EVA1C: variants seen among roughly 807,000 people sequenced by gnomAD.
The protein encoded by EVA1C is eva-1 homolog C.
In EVA1C, 25 loss-of-function variants were observed where a neutral mutation model predicts 45.4. The ratio of observed to expected loss-of-function variants is 0.55; its 90% CI spans 0.40 to 0.77. EVA1C has a LOEUF of 0.77. EVA1C is among the 30% of genes least tolerant of loss of function. The pLI, the probability that EVA1C is intolerant of heterozygous loss-of-function variation, is 0.00. For synonymous variants in EVA1C, 190 were observed against 221.2 expected, an observed-to-expected ratio of 0.86 and a Z score of 1.25; for missense variants, 479 against 554.8, an observed-to-expected ratio of 0.86 and a Z score of 1.37.
chr21:32,488,863 G>A (rs1442832184), intron 4 of EVA1C, among the ~76,000 whole-genome samples: 5 of 162 alleles, frequency 0.031, no homozygotes, highest in Non-Finnish European at 0.05. Context: ...TGGGATTATA[G>A]GCGTGAGCAC....
intron 1 of EVA1C, among the ~76,000 whole-genome samples, chr21:32,415,993 A>C (rs2034022014): frequency 6.6e-6 from 1 of 152,230 alleles, no homozygotes; most frequent in African/African-American, 2.4e-5. Flanking sequence ...AAAACAAAAC[A>C]AACCCCAGAA....
intron 3 of EVA1C, among the ~76,000 whole-genome samples, chr21:32,463,916 A>G (rs2036088231): frequency 6.6e-6 from 1 of 151,788 alleles, no homozygotes; most frequent in Non-Finnish European, 1.5e-5. Context: ...CATTTTTCTG[A>G]GTTCTTATGG....
intron 3 of EVA1C, among the ~76,000 whole-genome samples, chr21:32,462,944 A>T (rs1009803046): frequency 7.2e-5 from 11 of 152,116 alleles, no homozygotes; most frequent in Non-Finnish European, 1.3e-4. Context: ...TCAGCTCTGG[A>T]GGCTGTGAGA....
chr21:32,513,549 TTC>T (rs1207033468), intron 7 of EVA1C, among the ~76,000 whole-genome samples: 2 of 111,588 alleles, frequency 1.8e-5, no homozygotes, highest in East Asian at 5.6e-4. Context: ...TATTTTTCTT[TTC>T]TTTTTTTTTT....
rs1363367544 is a variant in EVA1C, at chr21:32,420,592, C to T, written c.160+7579C>T. On this transcript the variant is annotated intron_variant, in intron 1 of 7. Coordinates refer to ENST00000300255, the MANE Select transcript of EVA1C (RefSeq NM_058187.5). Reference sequence around the variant, plus strand: ...TTTTTTTTGTAGAGACAGGGTCTCACTATGTTGCCCAGGCTGGTCTCAAAC... The same window carrying T: ...TTTTTTTTGTAGAGACAGGGTCTCATTATGTTGCCCAGGCTGGTCTCAAAC... Among the ~76,000 whole-genome samples the T allele has an allele frequency of 5.9e-5, 9 of 152,170 alleles. No individual in the cohort carries two copies. The East Asian group carries it at 1.7e-3, about 29-fold the overall frequency.
chr21:32,496,789 G>A, intron 5 of EVA1C: 2 of 734,122 alleles, frequency 2.7e-6, no homozygotes, highest in Non-Finnish European at 4.9e-6. Context: ...CTGGGCTGGG[G>A]CCGCCATAGC....
intron 4 of EVA1C, among the ~76,000 whole-genome samples, chr21:32,470,278 A>G (rs774750924): frequency 3.9e-5 from 6 of 152,280 alleles, no homozygotes; most frequent in Non-Finnish European, 7.3e-5. Flanking sequence ...AAACAAAAAA[A>G]GCCATTTGGA....
At chr21:32,468,391 C>A (rs200213632) in intron 4 of EVA1C, among the ~76,000 whole-genome samples, 25,687 of 149,428 alleles carry the variant, frequency 0.17, 2,234 homozygotes, top group Admixed American at 0.22. Flanking sequence ...AACAAACAAA[C>A]AAAAAAACAA....
intron 5 of EVA1C, chr21:32,496,789 G>T: frequency 2.7e-6 from 2 of 734,120 alleles, no homozygotes; most frequent in Non-Finnish European, 4.9e-6. Flanking sequence ...CTGGGCTGGG[G>T]CCGCCATAGC....
intron 1 of EVA1C, among the ~76,000 whole-genome samples, chr21:32,422,412 G>A (rs1042298307): frequency 1.3e-5 from 2 of 152,146 alleles, no homozygotes; most frequent in Non-Finnish European, 2.9e-5. Flanking sequence ...GAAAAGGAGA[G>A]AGAGGCAACA....
intron 4 of EVA1C, among the ~76,000 whole-genome samples, chr21:32,491,762 G>A (rs139190331): frequency 4.3e-4 from 66 of 151,726 alleles, no homozygotes; most frequent in Non-Finnish European, 3.5e-4. Flanking sequence ...GAGGGAGGGA[G>A]TCCAGTTACT....
At chr21:32,480,302 T>TAAAAAAAA (rs56902183) in intron 4 of EVA1C, among the ~76,000 whole-genome samples, 1 of 105,186 alleles carries the variant, frequency 9.5e-6, no homozygotes. Context: ...CCCTGTCTCT[T>TAAAAAAAA]AAAAAAAAAA....
chr21:32,460,144 C>CTCA (rs2035945219), intron 3 of EVA1C, among the ~76,000 whole-genome samples: 1 of 152,170 alleles, frequency 6.6e-6, no homozygotes, highest in Non-Finnish European at 1.5e-5. Context: ...ATGAAGAGAA[C>CTCA]TCACATCCCA....
chr21:32,449,005 A>C (rs2035475673), intron 1 of EVA1C, among the ~76,000 whole-genome samples: 1 of 149,278 alleles, frequency 6.7e-6, no homozygotes, highest in South Asian at 2.2e-4. Context: ...GAAAGGAGGG[A>C]GGGTGGGAAG....
intron 4 of EVA1C, among the ~76,000 whole-genome samples, chr21:32,493,119 A>G (rs1446318805): frequency 6.6e-6 from 1 of 152,212 alleles, no homozygotes; most frequent in Non-Finnish European, 1.5e-5. Flanking sequence ...AAGTGCTGAG[A>G]GCAGTGGCTG....
intron 3 of EVA1C, among the ~76,000 whole-genome samples, chr21:32,463,838 G>A (rs569692744): frequency 6.6e-6 from 1 of 152,074 alleles, no homozygotes; most frequent in African/African-American, 2.4e-5. Flanking sequence ...TGGAGATAAA[G>A]CTTGTTTTTG....
At chr21:32,455,590 C>T (rs906852543) in intron 2 of EVA1C, among the ~76,000 whole-genome samples, 2 of 152,132 alleles carry the variant, frequency 1.3e-5, no homozygotes, top group Non-Finnish European at 2.9e-5. Context: ...GGATCCCAGG[C>T]TACCTGCTGC....
At chr21:32,457,756 T>C (rs2035842118) in intron 3 of EVA1C, 36 bp downstream of exon 3, 2 of 1,612,522 alleles carry the variant, frequency 1.2e-6, no homozygotes, top group Admixed American at 1.7e-5. Context: ...GTGTTTGGGG[T>C]GTGGTTCTCG....
At chr21:32,427,893 CTTGTTTTTGAA>C (rs2034553669) in intron 1 of EVA1C, among the ~76,000 whole-genome samples, 1 of 147,380 alleles carries the variant, frequency 6.8e-6, no homozygotes, top group Admixed American at 6.8e-5. Context: ...GCAGGAAAAA[CTTGTTTTTGAA>C]GTTTCTCTTT....
Sources: gnomAD v4.1 joint callset for allele counts (sites outside exome capture counted in the v4.1 genomes callset) on GRCh38, gnomAD v4.1.1 for gene constraint, MANE v1.5 for transcripts, NCBI Gene and HGNC (gene_info 2026-07-23, HGNC 2026-07-21) for gene names.